PML: variants seen among roughly 807,000 people sequenced by gnomAD.
The protein encoded by PML is protein PML.
A neutral mutation model predicts 65.2 loss-of-function variants in PML; 28 were observed. The ratio of observed to expected loss-of-function variants is 0.43; its 90% CI spans 0.32 to 0.59. The LOEUF (loss-of-function observed/expected upper bound fraction) is 0.59, where lower values mean the gene tolerates loss of function less well. Ranked by LOEUF, PML falls within the 20% of genes least tolerant of loss-of-function variation. The pLI is 0.08. For synonymous variants in PML, 500 were observed against 508.8 expected, an observed-to-expected ratio of 0.98 and a Z score of 0.23; for missense variants, 1,021 against 1,203.4, an observed-to-expected ratio of 0.85 and a Z score of 2.24.
chr15:74,043,161 C>T lies in PML; in HGVS notation c.1861+22C>T, dbSNP rs1452880600. ...GAAAGTGGGTTCTCCTGGGGCTACC[C>T]CCACCCCTTTCTAATTTAGTCTCTG... On this transcript the variant is annotated intron_variant, in intron 8 of 8. Coordinates refer to ENST00000268058, the MANE Select transcript of PML (RefSeq NM_033238.3). The surrounding 1 kb of genome is among the most constrained non-coding windows in gnomAD (Gnocchi z 4.3). 5.6e-6 allele frequency: 9 copies of T among 1,613,748 alleles called. No individual in the cohort carries two copies. Among genetic ancestry groups the T allele is most frequent in the Admixed American group, 3.3e-5 (2 of 59,966 alleles).
At chr15:74,012,130 G>A (rs545085312) in intron 2 of PML, among the ~76,000 whole-genome samples, 36 of 133,614 alleles carry the variant, frequency 2.7e-4, no homozygotes, top group African/African-American at 9.9e-4. Flanking sequence ...TTCCTAAAAG[G>A]TCCCTCTAAG....
At position 74,035,004 on chromosome 15, in the gene PML, A is replaced by G; in HGVS notation, c.1710+474A>G. The G allele has an allele frequency of 6.5e-7, 1 of 1,532,568 alleles. No homozygotes were observed. Among genetic ancestry groups the G allele is most frequent in the Non-Finnish European group, 8.7e-7 (1 of 1,144,048 alleles). The allele number at this position is 1,532,568 out of a possible 1,614,324, so 94.9% of individuals were successfully genotyped here. ...AGATATATAAATCCATTCCACAGTG[A>G]AACAGGTGGCCTCGTGGGTAGTGAC... On this transcript the variant is annotated intron_variant, in intron 7 of 8. Coordinates refer to ENST00000268058, the MANE Select transcript of PML (RefSeq NM_033238.3). This position sits in a 1 kb window ranked among gnomAD's most constrained non-coding sequence, Gnocchi z 4.1.
rs202062354 is a variant in PML at position 74,044,766 on chromosome 15, G to A, written c.2407G>A (p.Val803Met). 7.4e-6 allele frequency: 12 copies of A among 1,612,856 alleles called. No homozygotes were observed. In the Admixed American group the frequency reaches 1.3e-4, roughly 18 times the overall value. The change falls in exon 9 of 9, where the codon GTG (valine) becomes ATG (methionine). Residue 803 changes from valine (V) to methionine (M), a missense_variant. By Grantham distance (21) the Val-to-Met change is conservative. Coordinates refer to ENST00000268058, the MANE Select transcript of PML (RefSeq NM_033238.3). ...GGCCCGCCTCCTGGCCCTACACAAC[G>A]TGAGCTTCATGGAGCTGCTGAGTGC... The part of the protein sequence containing the change: ...AEARLLALHN[V>M]SFMELLSAHR...
In PML at chr15:74,045,976, T is replaced by C; in HGVS notation, c.*968T>C. On this transcript the variant is annotated 3_prime_UTR_variant, in exon 9 of 9. Coordinates refer to ENST00000268058, the MANE Select transcript of PML (RefSeq NM_033238.3). ...TCAAGTTTGAGAACCGCTGCTCTCA[T>C]AGACTGCTCCTCCAAGGGGAAGCAG... is the stretch of plus-strand genomic sequence containing the variant. The C allele has an allele frequency of 4.3e-6, 1 of 232,406 alleles. No homozygotes were observed. Among genetic ancestry groups the C allele is most frequent in the Admixed American group, 5.6e-5 (1 of 17,772 alleles). The allele number at this position is 232,406 out of a possible 1,614,324, so 14.4% of individuals were successfully genotyped here. A position where few individuals can be genotyped will look rare whatever the true frequency, so the allele number is the denominator to read the frequency against.
At chr15:74,001,964 A>T (rs1238526077) in intron 2 of PML, among the ~76,000 whole-genome samples, 2 of 151,810 alleles carry the variant, frequency 1.3e-5, no homozygotes. Context: ...TGATGGTGCC[A>T]CTTCACTCCA....
chr15:74,022,977 A>C lies in PML; in HGVS notation c.752A>C (p.Asp251Ala), dbSNP rs766524275. 1.9e-6 allele frequency: 3 copies of C among 1,610,660 alleles called. No individual in the cohort carries two copies. The South Asian group carries it at 3.3e-5, about 18-fold the overall frequency. Residue 251 changes from aspartate to alanine, a missense_variant, in exon 3 of 9, where the codon GAT (aspartate) becomes GCT (alanine). Asp to Ala is a moderately radical substitution (Grantham distance 126, BLOSUM62 -2). Transcript: ENST00000268058. ...ATGACGCAGGCGCTGCAGGAGCAGG[A>C]TAGTGCCTTTGGCGCGGTTCACGCG... ...DAMTQALQEQ[D>A]SAFGAVHAQM...
At chr15:74,011,001 G>A (rs1265895910) in intron 2 of PML, among the ~76,000 whole-genome samples, 7 of 152,334 alleles carry the variant, frequency 4.6e-5, no homozygotes, top group African/African-American at 1.4e-4. Context: ...GATGGCTGAT[G>A]TAAGTGCATA....
In PML at chr15:74,037,513, C is replaced by T. The variant is rs1274490572; in HGVS notation, c.1710+2983C>T. ...TCATCTCAGAAAACTCCACCCACTT[C>T]TCTCTCCAGCTGTCGGCTCCCCTTC... On this transcript the variant is annotated intron_variant, in intron 7 of 8. Coordinates refer to ENST00000268058, the MANE Select transcript of PML (RefSeq NM_033238.3). The surrounding 1 kb of genome is among the most constrained non-coding windows in gnomAD (Gnocchi z 4.2). 1.0e-6 allele frequency: 1 copy of T among 985,266 alleles called. No individual in the cohort carries two copies. The highest frequency in any genetic ancestry group is 1.7e-5 in the African/African-American group (1 of 57,230). The allele number at this position is 985,266 out of a possible 1,614,324, so 61.0% of individuals were successfully genotyped here.
intron 7 of PML, among the ~76,000 whole-genome samples, chr15:74,038,276 C>G (rs1405715211): frequency 2.0e-5 from 3 of 152,016 alleles, no homozygotes; most frequent in Non-Finnish European, 4.4e-5. Context: ...TAGAGGGACC[C>G]CAGCAATATT....
rs145034322 is a variant in PML at position 74,023,790 on chromosome 15, A to G, written c.1183+382A>G. On this transcript the variant is annotated intron_variant, in intron 3 of 8. Coordinates refer to ENST00000268058, the MANE Select transcript of PML (RefSeq NM_033238.3). ...CCGGTGTCTCGGAACAGAGAAGTCA[A>G]TTGGGACCTGGGGTTACGGTAGAAG... Among the ~76,000 whole-genome samples, 462 of 152,280 alleles carry G rather than the reference A, an allele frequency of 3.0e-3. 3 individuals are homozygous for G. Among genetic ancestry groups the G allele is most frequent in the Middle Eastern group, 0.01 (3 of 294 alleles).
intron 2 of PML, among the ~76,000 whole-genome samples, chr15:74,012,390 G>T (rs1245925840): frequency 6.6e-6 from 1 of 152,236 alleles, no homozygotes; most frequent in African/African-American, 2.4e-5. Flanking sequence ...TGGCCAGGCT[G>T]GTCTTGAACT....
intron 6 of PML, chr15:74,033,882 A>C: frequency 2.3e-6 from 1 of 443,458 alleles, no homozygotes. Context: ...ATCTTCTATG[A>C]ACACTGCCAG....
intron 6 of PML, chr15:74,033,977 A>G: frequency 3.0e-6 from 1 of 331,456 alleles, no homozygotes; most frequent in Middle Eastern, 9.3e-4. Context: ...CACCCAGAGT[A>G]CAGCTTTGTT....
intron 4 of PML, chr15:74,026,397 C>T (rs1050223062): frequency 2.0e-5 from 3 of 152,154 alleles, no homozygotes; most frequent in Non-Finnish European, 2.9e-5. Flanking sequence ...GTCTTGAACT[C>T]CTGACCTCAT....
At chr15:74,019,442 T>C (rs1341552774) in intron 2 of PML, among the ~76,000 whole-genome samples, 1 of 152,220 alleles carries the variant, frequency 6.6e-6, no homozygotes, top group Non-Finnish European at 1.5e-5. Flanking sequence ...ATTCTGTTTT[T>C]TAATTTCAAA....
rs1356693646 is a variant in PML, at chr15:74,035,461, G to A, written c.1710+931G>A. 1.1e-5 allele frequency: 18 copies of A among 1,612,192 alleles called. No individual in the cohort carries two copies. Among genetic ancestry groups the A allele is most frequent in the Middle Eastern group, 1.6e-4 (1 of 6,084 alleles). ...TTGTACAGAGCACAGAGAGCCATCCGCCTTCGCCATGCCCTCCGCTTGCAC... is the reference window on the plus strand; with the variant it reads ...TTGTACAGAGCACAGAGAGCCATCCACCTTCGCCATGCCCTCCGCTTGCAC... On this transcript the variant is annotated intron_variant, in intron 7 of 8. Coordinates refer to ENST00000268058, the MANE Select transcript of PML (RefSeq NM_033238.3). The surrounding 1 kb of genome is among the most constrained non-coding windows in gnomAD (Gnocchi z 4.1).
At position 74,024,583 on chromosome 15, in the gene PML, C is replaced by G. The variant is rs142308574; in HGVS notation, c.1184-274C>G. On this transcript the variant is annotated intron_variant, in intron 3 of 8. Coordinates refer to ENST00000268058, the MANE Select transcript of PML (RefSeq NM_033238.3). ...CGCACACTTAGCCTTGCTGTTGGCT[C>G]AGAGATGGAGAGAGGTACACTTGGG... Among the ~76,000 whole-genome samples the G allele has an allele frequency of 1.5e-3, 228 of 152,302 alleles. 1 individual carries two copies. The highest frequency in any genetic ancestry group is 2.8e-3 in the Non-Finnish European group (191 of 68,030).
At chr15:74,031,348 C>T in intron 4 of PML, 1 of 404,834 alleles carries the variant, frequency 2.5e-6, no homozygotes, top group Non-Finnish European at 4.9e-6. Flanking sequence ...AATCTCGGCT[C>T]ACTGCAATGT....
chr15:73,996,431 T>G (rs940908911), intron 1 of PML, among the ~76,000 whole-genome samples: 1 of 152,238 alleles, frequency 6.6e-6, no homozygotes, highest in Admixed American at 6.5e-5. Flanking sequence ...CATCCTGAGC[T>G]ACGGAAAAGA....
Sources: allele counts gnomAD v4.1 joint callset (sites outside exome capture counted in the v4.1 genomes callset), GRCh38; gene constraint gnomAD v4.1.1; non-coding constraint Gnocchi (gnomAD v3.1); transcripts MANE v1.5; gene names NCBI Gene and HGNC (gene_info 2026-07-23, HGNC 2026-07-21).